The following ZFPM2 variants were observed in gnomAD, a reference collection of about 807,000 sequenced individuals.
ZFPM2 encodes zinc finger protein, FOG family member 2, also known as zinc finger protein ZFPM2.
In ZFPM2, 20 loss-of-function variants were observed where a neutral mutation model predicts 98.6. The ratio of observed to expected loss-of-function variants is 0.20; its 90% confidence interval spans 0.14 to 0.29. The LOEUF (loss-of-function observed/expected upper bound fraction) is 0.29. ZFPM2 is among the 10% of genes least tolerant of loss of function. ZFPM2 has a pLI of 1.00. For synonymous variants in ZFPM2, 518 were observed against 502.7 expected, an observed-to-expected ratio of 1.03 and a Z score of -0.41; for missense variants, 1,310 against 1,388.6, an observed-to-expected ratio of 0.94 and a Z score of 0.90.
intron 5 of ZFPM2, among the ~76,000 whole-genome samples, chr8:105,711,710 C>T (rs1335893748): frequency 1.3e-5 from 2 of 151,990 alleles, no homozygotes; most frequent in Non-Finnish European, 2.9e-5. Flanking sequence ...TGAATATCTC[C>T]TCCATAAGAA....
In ZFPM2 at chr8:105,561,382, G is replaced by A. The variant is rs761645875; in HGVS notation, c.321G>A (p.Gln107=). 2.9e-5 allele frequency: 47 copies of A among 1,613,522 alleles called. No homozygotes were observed. The highest frequency in any genetic ancestry group is 3.9e-5 in the Non-Finnish European group (46 of 1,179,650). Reference sequence around the variant, plus strand: ...CTGCAGGAGAGCTGGAGGTGTTTCAGAAAGATGGGGAACGAAAAATTCAGA... The same window carrying A: ...CTGCAGGAGAGCTGGAGGTGTTTCAAAAAGATGGGGAACGAAAAATTCAGA... ...WDGPGELEVF[Q]KDGERKIQSR... is the part of the protein sequence containing the mutation. Residue 107 remains glutamine (Q), a synonymous_variant, in exon 4 of 8, where the codon CAG becomes CAA. Coordinates refer to ENST00000407775, the MANE Select transcript of ZFPM2 (RefSeq NM_012082.4).
chr8:105,547,852 C>T (rs1046538901), intron 3 of ZFPM2, among the ~76,000 whole-genome samples: 9 of 151,824 alleles, frequency 5.9e-5, no homozygotes, highest in African/African-American at 9.7e-5. Context: ...TTTTGGTGTT[C>T]GTAAGCAACA....
At chr8:105,384,579 T>C (rs1810948341) in intron 1 of ZFPM2, among the ~76,000 whole-genome samples, 1 of 151,666 alleles carries the variant, frequency 6.6e-6, no homozygotes, top group Non-Finnish European at 1.5e-5. Flanking sequence ...TCCCATCACA[T>C]TGTGAGAGAA....
chr8:105,398,310 G>GA (rs1165699828), intron 1 of ZFPM2, among the ~76,000 whole-genome samples: 3 of 151,912 alleles, frequency 2.0e-5, no homozygotes, highest in Non-Finnish European at 4.4e-5. Context: ...AACAGATTTT[G>GA]AAAAAAAGAT....
chr8:105,707,109 G>T (rs1811281833), intron 5 of ZFPM2, among the ~76,000 whole-genome samples: 1 of 151,670 alleles, frequency 6.6e-6, no homozygotes, highest in Admixed American at 6.6e-5. Context: ...CAGTTGCTGT[G>T]GTGCACACCT....
At chr8:105,432,320 TGA>T (rs1010631220) in intron 2 of ZFPM2, among the ~76,000 whole-genome samples, 2 of 152,160 alleles carry the variant, frequency 1.3e-5, no homozygotes. Context: ...TTGTGAGCTC[TGA>T]GAGTCATTCA....
At chr8:105,744,481 C>T (rs1812297454) in intron 5 of ZFPM2, among the ~76,000 whole-genome samples, 1 of 152,056 alleles carries the variant, frequency 6.6e-6, no homozygotes, top group Non-Finnish European at 1.5e-5. Flanking sequence ...TCCCTGTTGA[C>T]ATGTAGGTTA....
At chr8:105,575,695 C>T (rs1190144258) in intron 4 of ZFPM2, among the ~76,000 whole-genome samples, 11 of 152,122 alleles carry the variant, frequency 7.2e-5, no homozygotes, top group Non-Finnish European at 1.5e-4. Flanking sequence ...AATATCCAAA[C>T]TCAAGAAACC....
chr8:105,358,226 A>T (rs2129745082), intron 1 of ZFPM2, among the ~76,000 whole-genome samples: 1 of 152,176 alleles, frequency 6.6e-6, no homozygotes, highest in East Asian at 1.9e-4. Flanking sequence ...TGGTTTCAGT[A>T]ACTATGTTAC....
intron 5 of ZFPM2, among the ~76,000 whole-genome samples, chr8:105,706,973 G>T (rs1349312579): frequency 6.6e-6 from 1 of 152,036 alleles, no homozygotes; most frequent in Non-Finnish European, 1.5e-5. Context: ...GGGTGTGGTG[G>T]CTCATGGCTG....
intron 5 of ZFPM2, among the ~76,000 whole-genome samples, chr8:105,762,818 A>G (rs1233088507): frequency 6.6e-6 from 1 of 151,910 alleles, no homozygotes; most frequent in Non-Finnish European, 1.5e-5. Flanking sequence ...CTGATAACAC[A>G]TGATATAATC....
intron 5 of ZFPM2, among the ~76,000 whole-genome samples, chr8:105,701,864 T>G (rs1811149011): frequency 1.3e-5 from 2 of 152,192 alleles, no homozygotes; most frequent in Admixed American, 6.5e-5. Flanking sequence ...AAATCACCAG[T>G]CAAACATAGC....
intron 3 of ZFPM2, among the ~76,000 whole-genome samples, chr8:105,558,821 AAAG>A (rs1165853478): frequency 1.3e-5 from 2 of 152,178 alleles, no homozygotes; most frequent in Non-Finnish European, 2.9e-5. Context: ...TTTATGTAGA[AAAG>A]AAGATTTTTT....
At position 105,720,039 on chromosome 8, in the gene ZFPM2, C is replaced by T. The variant is rs1811620893; in HGVS notation, c.533-68679C>T. Among the ~76,000 whole-genome samples the T allele has an allele frequency of 2.6e-5, 4 of 151,972 alleles. 1 individual carries two copies. In the Middle Eastern group the frequency reaches 0.01, roughly 388 times the overall value. On this transcript the variant is annotated intron_variant, in intron 5 of 7. Coordinates refer to ENST00000407775, the MANE Select transcript of ZFPM2 (RefSeq NM_012082.4). ...AGCCAACCTTAACTGGCAGAAAAAA[C>T]TTCCCAATTTACATGTCACATTTAA...
intron 5 of ZFPM2, among the ~76,000 whole-genome samples, chr8:105,642,639 A>C (rs1816969004): frequency 6.6e-6 from 1 of 152,208 alleles, no homozygotes; most frequent in Non-Finnish European, 1.5e-5. Context: ...TTTTCCAAAT[A>C]AAATACACAT....
chr8:105,400,224 C>T (rs1297991875), intron 1 of ZFPM2, among the ~76,000 whole-genome samples: 1 of 151,606 alleles, frequency 6.6e-6, no homozygotes, highest in African/African-American at 2.4e-5. Context: ...GTGTTTAATT[C>T]TTTAAAAAAT....
At chr8:105,348,626 C>T (rs186682011) in intron 1 of ZFPM2, among the ~76,000 whole-genome samples, 3 of 152,232 alleles carry the variant, frequency 2.0e-5, no homozygotes, top group African/African-American at 7.2e-5. Context: ...CTCAGGAATT[C>T]GAATTTACCA....
At chr8:105,589,124 C>T (rs527339405) in intron 4 of ZFPM2, among the ~76,000 whole-genome samples, 2 of 152,308 alleles carry the variant, frequency 1.3e-5, no homozygotes, top group Non-Finnish European at 2.9e-5. Flanking sequence ...AACCAAACTC[C>T]ATGGAGCCCC....
chr8:105,479,332 T>C (rs1813071063), intron 3 of ZFPM2, among the ~76,000 whole-genome samples: 1 of 152,200 alleles, frequency 6.6e-6, no homozygotes, highest in South Asian at 2.1e-4. Flanking sequence ...ATAAAACCTG[T>C]CATTTTATTT....
Sources: allele counts gnomAD v4.1 joint callset (sites outside exome capture counted in the v4.1 genomes callset), GRCh38; gene constraint gnomAD v4.1.1; transcripts MANE v1.5; gene names NCBI Gene and HGNC (gene_info 2026-07-23, HGNC 2026-07-21).